The following RAP1GAP variants were observed in gnomAD, a reference collection of about 807,000 sequenced individuals.
The protein encoded by RAP1GAP is RAP1 GTPase activating protein.
In RAP1GAP, 35 loss-of-function variants were observed where a neutral mutation model predicts 87.2. The observed-to-expected ratio is 0.40, with a 90% CI of 0.31 to 0.53. The LOEUF (loss-of-function observed/expected upper bound fraction) is 0.53, where lower values mean the gene tolerates loss of function less well. Among genes scored for constraint, RAP1GAP ranks in the 20% least tolerant of loss-of-function variants. RAP1GAP has a pLI of 0.48. For missense variants in RAP1GAP, 734 were observed against 898.9 expected, an observed-to-expected ratio of 0.82 and a Z score of 2.35; for synonymous variants, 375 against 363.9, an observed-to-expected ratio of 1.03 and a Z score of -0.35.
At chr1:21,649,962 C>T (rs2096428651) in intron 1 of RAP1GAP, among the ~76,000 whole-genome samples, 166 bp from the exon 2 acceptor site, 1 of 152,024 alleles carries the variant, frequency 6.6e-6, no homozygotes, top group Non-Finnish European at 1.5e-5. Context: ...GCTGCAGTCG[C>T]CTGACTGTCA....
At chr1:21,658,624 G>C (rs761603752) in intron 1 of RAP1GAP, among the ~76,000 whole-genome samples, 4 of 152,148 alleles carry the variant, frequency 2.6e-5, no homozygotes, top group Non-Finnish European at 4.4e-5. Context: ...GTTCACACCT[G>C]TAATCCCAGC....
intron 2 of RAP1GAP, among the ~76,000 whole-genome samples, chr1:21,639,345 A>C (rs958957251): frequency 6.6e-6 from 1 of 152,230 alleles, no homozygotes; most frequent in African/African-American, 2.4e-5. Flanking sequence ...TTGGCATTGA[A>C]GGTCACTTGT....
intron 1 of RAP1GAP, chr1:21,665,388 G>A (rs2097307044): frequency 5.4e-6 from 2 of 371,550 alleles, no homozygotes; most frequent in African/African-American, 2.1e-5. Flanking sequence ...ACCGGGCTGT[G>A]GCAGGGACCA....
At chr1:21,619,115 G>T (rs201040936) in intron 4 of RAP1GAP, 43 bp from the exon 5 acceptor site, 1 of 1,546,758 alleles carries the variant, frequency 6.5e-7, no homozygotes, top group South Asian at 1.2e-5. Context: ...CAGGCCTGCC[G>T]CCAGGCGCTG....
intron 1 of RAP1GAP, chr1:21,651,593 A>AAC (rs760377854): frequency 6.2e-5 from 43 of 696,714 alleles, no homozygotes; most frequent in Middle Eastern, 2.5e-4. Context: ...CAGAAACAGA[A>AAC]ACACACACAC....
At position 21,598,440 on chromosome 1, in the gene RAP1GAP, C is replaced by T; in HGVS notation, c.1839G>A (p.Leu613=). The T allele has an allele frequency of 6.2e-7, 1 of 1,614,000 alleles. No individual in the cohort carries two copies. Among genetic ancestry groups the T allele is most frequent in the South Asian group, 1.1e-5 (1 of 91,078 alleles). The change falls in exon 22 of 25, where the codon CTG becomes CTA. Residue 613 remains leucine, a synonymous_variant. Coordinates refer to ENST00000374765, the MANE Select transcript of RAP1GAP (RefSeq NM_002885.4). ...CACTAGTGGTGCTGACACTGTCCTC[C>T]AGCCACGTGCTATAGATGAAGGAGT... ...KRDSFIYSTW[L]EDSVSTTSGG... is the part of the protein sequence containing the mutation.
intron 4 of RAP1GAP, among the ~76,000 whole-genome samples, chr1:21,619,641 C>G (rs775563441): frequency 6.6e-6 from 1 of 152,080 alleles, no homozygotes; most frequent in Non-Finnish European, 1.5e-5. Context: ...CTCTGGCTGA[C>G]AGGCCCCCAG....
intron 2 of RAP1GAP, among the ~76,000 whole-genome samples, chr1:21,646,280 G>A (rs991525093): frequency 2.6e-5 from 4 of 152,168 alleles, no homozygotes; most frequent in East Asian, 1.9e-4. Flanking sequence ...AGTGACTCCC[G>A]TTTGGGTGGC....
chr1:21,602,766 G>A, intron 19 of RAP1GAP, 38 bp downstream of exon 19: 1 of 1,537,472 alleles, frequency 6.5e-7, no homozygotes, highest in Non-Finnish European at 8.9e-7. Context: ...CAGGGATGGG[G>A]ATGCAGGGGA....
intron 1 of RAP1GAP, 135 bp from the exon 2 acceptor site, chr1:21,649,931 T>G (rs2096425384): frequency 2.3e-6 from 2 of 869,186 alleles, no homozygotes; most frequent in Non-Finnish European, 3.7e-6. Context: ...GGATGCCTGA[T>G]GCAGTCACTA....
intron 4 of RAP1GAP, 61 bp from the exon 5 acceptor site, chr1:21,619,133 TC>T: frequency 6.6e-7 from 1 of 1,514,442 alleles, no homozygotes; most frequent in Non-Finnish European, 9.0e-7. Context: ...CTGCCTCCCC[TC>T]CCCAAGGCGT....
intron 2 of RAP1GAP, among the ~76,000 whole-genome samples, chr1:21,635,341 G>A (rs369515338): frequency 6.6e-6 from 1 of 152,000 alleles, no homozygotes; most frequent in South Asian, 2.1e-4. Context: ...GCATTCCTTC[G>A]CTCACTCACC....
intron 2 of RAP1GAP, among the ~76,000 whole-genome samples, chr1:21,636,813 G>A (rs111661536): frequency 3.4e-4 from 51 of 149,808 alleles, no homozygotes; most frequent in Admixed American, 6.8e-4. Flanking sequence ...ATCTCAAATA[G>A]AAAGAAAGAA....
At chr1:21,604,682 T>C (rs2072473129) in intron 18 of RAP1GAP, among the ~76,000 whole-genome samples, 1 of 151,912 alleles carries the variant, frequency 6.6e-6, no homozygotes, top group Admixed American at 6.6e-5. Flanking sequence ...TGGTGACTGC[T>C]GGACAGCAGA....
chr1:21,605,287 GAC>G (rs2073596880), intron 18 of RAP1GAP, among the ~76,000 whole-genome samples: 1 of 152,140 alleles, frequency 6.6e-6, no homozygotes, highest in Non-Finnish European at 1.5e-5. Flanking sequence ...CCAGATTCCC[GAC>G]ACACAATAGG....
At chr1:21,661,049 C>T (rs1202603188) in intron 1 of RAP1GAP, among the ~76,000 whole-genome samples, 3 of 152,038 alleles carry the variant, frequency 2.0e-5, no homozygotes, top group Non-Finnish European at 4.4e-5. Context: ...GTCAGGAGTT[C>T]GAGAACAGCC....
At chr1:21,600,334 C>T (rs1314953077) in intron 20 of RAP1GAP, among the ~76,000 whole-genome samples, 1 of 152,198 alleles carries the variant, frequency 6.6e-6, no homozygotes, top group African/African-American at 2.4e-5. Context: ...TCTCCCTGGT[C>T]CCTGCCACCC....
intron 1 of RAP1GAP, among the ~76,000 whole-genome samples, chr1:21,660,160 G>A (rs1309096700): frequency 6.6e-6 from 1 of 150,894 alleles, no homozygotes; most frequent in Non-Finnish European, 1.5e-5. Context: ...GCCTCACAAA[G>A]CACCTCCCCA....
chr1:21,665,300 GTTGGCAGAGGTATTA>G, intron 1 of RAP1GAP: 1 of 513,702 alleles, frequency 1.9e-6, no homozygotes, highest in South Asian at 1.4e-5. Context: ...GGTGGCCTCG[GTTGGCAGAGGTATTA>G]ACCTGTAGAG....
Sources: gnomAD v4.1 joint callset for allele counts (sites outside exome capture counted in the v4.1 genomes callset) on GRCh38, gnomAD v4.1.1 for gene constraint, MANE v1.5 for transcripts, NCBI Gene and HGNC (gene_info 2026-07-23, HGNC 2026-07-21) for gene names.